UNC79: variants seen among roughly 807,000 people sequenced by gnomAD.
UNC79 encodes the protein unc-79 subunit of NALCN channel complex, also known as protein unc-79 homolog.
A neutral mutation model predicts 283.1 loss-of-function variants in UNC79; 37 were observed. The ratio of observed to expected loss-of-function variants is 0.13; its 90% CI spans 0.10 to 0.17. UNC79 has a LOEUF of 0.17. Ranked by LOEUF, UNC79 falls within the 10% of genes least tolerant of loss-of-function variation. The probability of loss-of-function intolerance (pLI) is 1.00; values close to 1 mark genes in which losing one functional copy is unlikely to be tolerated. For synonymous variants in UNC79, 1,107 were observed against 1,200.2 expected (o/e 0.92, Z 1.61); for missense variants, 2,272 against 3,211.1 (o/e 0.71, Z 7.07).
chr14:93,524,604 C>G (rs2060465388), intron 8 of UNC79, among the ~76,000 whole-genome samples: 1 of 152,174 alleles, frequency 6.6e-6, no homozygotes, highest in Non-Finnish European at 1.5e-5. Context: ...AAACTGGAGA[C>G]AGAACCAGGT....
rs1291409889 is a variant in UNC79 at position 93,467,900 on chromosome 14, C to T, written c.143+109C>T. 12 of 1,274,046 alleles carry T rather than the reference C, an allele frequency of 9.4e-6. No homozygotes were observed. In the African/African-American group the frequency reaches 1.7e-4, roughly 18 times the overall value. 78.9% of individuals were successfully genotyped at this position (1,274,046 alleles called of 1,614,324 possible). A position where few individuals can be genotyped will look rare whatever the true frequency, so the allele number is the denominator to read the frequency against. On this transcript the variant is annotated intron_variant, in intron 2 of 48. Coordinates refer to ENST00000555664, the Ensembl canonical transcript of UNC79. ...GCAAGTTTTAAAGGGCCTATGTTTTCTAGTGCTCTGTCAGAAGAGTCTGTG... is the reference window on the plus strand; with the variant it reads ...GCAAGTTTTAAAGGGCCTATGTTTTTTAGTGCTCTGTCAGAAGAGTCTGTG...
intron 1 of UNC79, among the ~76,000 whole-genome samples, chr14:93,443,911 A>G (rs1422898408): frequency 1.3e-5 from 2 of 152,208 alleles, no homozygotes; most frequent in East Asian, 1.9e-4. Context: ...GAATATTTGC[A>G]TACCTGGTTT....
chr14:93,597,471 G>A (rs1389265022), exon 24 of UNC79: 3 of 1,614,140 alleles, frequency 1.9e-6, no homozygotes, highest in East Asian at 2.2e-5. Flanking sequence ...CAGCAGTGGA[G>A]GATGTCAACC....
At chr14:93,682,717 G>A in intron 42 of UNC79, 23 bp downstream of exon 45, 1 of 1,606,272 alleles carries the variant, frequency 6.2e-7, no homozygotes, top group Non-Finnish European at 8.5e-7. Flanking sequence ...CAAATTCATT[G>A]TCTACATACT....
chr14:93,457,212 A>C (rs963133927), intron 1 of UNC79, among the ~76,000 whole-genome samples: 4 of 152,236 alleles, frequency 2.6e-5, no homozygotes, highest in Non-Finnish European at 4.4e-5. Context: ...AGGACCAGAC[A>C]CTTATTAAAT....
At chr14:93,334,475 G>A (rs2053530968) in intron 1 of UNC79, 1 of 152,186 alleles carries the variant, frequency 6.6e-6, no homozygotes, top group African/African-American at 2.4e-5. Flanking sequence ...ATGGAAAAGT[G>A]AGAAAATATA....
At chr14:93,372,028 C>G (rs1020778746) in intron 1 of UNC79, among the ~76,000 whole-genome samples, 3 of 152,056 alleles carry the variant, frequency 2.0e-5, no homozygotes, top group African/African-American at 4.8e-5. Flanking sequence ...AAATTCATTG[C>G]CAGTAGACCT....
intron 1 of UNC79, among the ~76,000 whole-genome samples, chr14:93,356,407 C>G (rs908176571): frequency 3.9e-5 from 6 of 152,250 alleles, no homozygotes; most frequent in African/African-American, 1.4e-4. Context: ...TCACCTGATT[C>G]CTCTCCCAAC....
chr14:93,553,818 C>G (rs2062018842), intron 14 of UNC79, among the ~76,000 whole-genome samples: 1 of 152,166 alleles, frequency 6.6e-6, no homozygotes, highest in Non-Finnish European at 1.5e-5. Flanking sequence ...CTGCATATGT[C>G]TCTTTTGGAC....
At chr14:93,429,545 G>GAA, upstream of UNC79, among the ~76,000 whole-genome samples, 1 of 152,226 alleles carries the variant, frequency 6.6e-6, no homozygotes, top group Admixed American at 6.5e-5. Flanking sequence ...CTTGATGTTT[G>GAA]TTCATAATAT....
intron 12 of UNC79, among the ~76,000 whole-genome samples, chr14:93,539,677 A>G (rs928025078): frequency 6.6e-6 from 1 of 152,198 alleles, no homozygotes; most frequent in Admixed American, 6.5e-5. Flanking sequence ...TTGAAAAGAA[A>G]TAAAAACACT....
chr14:93,612,173 C>T (rs1305116363), intron 26 of UNC79, among the ~76,000 whole-genome samples: 1 of 152,188 alleles, frequency 6.6e-6, no homozygotes, highest in East Asian at 1.9e-4. Context: ...GTGTCCTCTC[C>T]CTTCCTTGTA....
At chr14:93,586,704 G>A in intron 21 of UNC79, 29 bp downstream of exon 21, 1 of 1,612,902 alleles carries the variant, frequency 6.2e-7, no homozygotes, top group Non-Finnish European at 8.5e-7. Context: ...TTGAATACTT[G>A]GCTTGGTAGC....
chr14:93,441,491 A>T (rs1032632379), intron 1 of UNC79, among the ~76,000 whole-genome samples: 1 of 151,922 alleles, frequency 6.6e-6, no homozygotes, highest in Non-Finnish European at 1.5e-5. Flanking sequence ...TGTATTTTAT[A>T]TCTAAACTCT....
At chr14:93,426,446 T>C (rs998325766), upstream of UNC79, among the ~76,000 whole-genome samples, 1 of 150,420 alleles carries the variant, frequency 6.6e-6, no homozygotes, top group African/African-American at 2.4e-5. Flanking sequence ...TAAAATAATA[T>C]ATTAATATAT....
intron 5 of UNC79, among the ~76,000 whole-genome samples, chr14:93,491,020 G>T (rs1238027915): frequency 2.0e-5 from 3 of 152,132 alleles, no homozygotes; most frequent in African/African-American, 7.2e-5. Flanking sequence ...TCCAGGGGCT[G>T]GGAAGTCCAA....
At chr14:93,659,763 A>T (rs1305714379) in intron 39 of UNC79, among the ~76,000 whole-genome samples, 1 of 152,228 alleles carries the variant, frequency 6.6e-6, no homozygotes, top group Non-Finnish European at 1.5e-5. Flanking sequence ...GTTTGTTATC[A>T]TATGGCAGAC....
At chr14:93,572,936 G>C in intron 16 of UNC79, 120 bp downstream of exon 16, 1 of 1,330,666 alleles carries the variant, frequency 7.5e-7, no homozygotes, top group South Asian at 1.5e-5. Flanking sequence ...TGTTTGCCAA[G>C]AAAGTGTATC....
At chr14:93,392,248 A>G (rs1231691533) in intron 1 of UNC79, among the ~76,000 whole-genome samples, 3 of 152,256 alleles carry the variant, frequency 2.0e-5, no homozygotes, top group Non-Finnish European at 4.4e-5. Context: ...CAGTAATGAA[A>G]TGTAACAAAT....
Sources: allele counts gnomAD v4.1 joint callset (sites outside exome capture counted in the v4.1 genomes callset), GRCh38; gene constraint gnomAD v4.1.1; transcripts MANE v1.5; gene names NCBI Gene and HGNC (gene_info 2026-07-23, HGNC 2026-07-21).